PCCA: variants seen among roughly 807,000 people sequenced by gnomAD.
PCCA encodes propionyl-CoA carboxylase alpha chain, mitochondrial.
In PCCA, 74 loss-of-function variants were observed where a neutral mutation model predicts 101.3. The ratio of observed to expected loss-of-function variants is 0.73; its 90% confidence interval spans 0.61 to 0.89. PCCA has a LOEUF of 0.89. Ranked by LOEUF, PCCA falls within the 40% of genes least tolerant of loss-of-function variation. The pLI is 0.00. For synonymous variants in PCCA, 294 were observed against 313.6 expected (o/e 0.94, Z 0.66); for missense variants, 891 against 907.0 (o/e 0.98, Z 0.23).
chr13:100,240,818 A>G (rs541144233), intron 8 of PCCA, among the ~76,000 whole-genome samples: 2 of 152,220 alleles, frequency 1.3e-5, no homozygotes, highest in South Asian at 4.1e-4. Context: ...ATACTTCAAC[A>G]TGTGTTATTA....
At chr13:100,195,010 A>C (rs1252263641) in intron 6 of PCCA, among the ~76,000 whole-genome samples, 3 of 152,360 alleles carry the variant, frequency 2.0e-5, no homozygotes, top group Admixed American at 2.0e-4. Flanking sequence ...TTTGCAACCA[A>C]AAAGGTACCA....
chr13:100,510,701 A>G (rs1368688371), intron 21 of PCCA, among the ~76,000 whole-genome samples: 1 of 152,230 alleles, frequency 6.6e-6, no homozygotes, highest in Non-Finnish European at 1.5e-5. Context: ...GGGCGCTGAT[A>G]TAAATAGAGC....
chr13:100,220,314 C>T (rs888020711), intron 7 of PCCA, among the ~76,000 whole-genome samples: 2 of 152,022 alleles, frequency 1.3e-5, no homozygotes, highest in African/African-American at 4.8e-5. Context: ...GGCTGGAGTG[C>T]AGTGGCGCAA....
intron 21 of PCCA, among the ~76,000 whole-genome samples, chr13:100,506,271 C>T (rs996003165): frequency 2.0e-5 from 3 of 151,876 alleles, no homozygotes; most frequent in African/African-American, 7.3e-5. Context: ...CAGCAGTCCT[C>T]CTTGGCTCAG....
At chr13:100,469,886 G>A (rs2082861547) in intron 21 of PCCA, among the ~76,000 whole-genome samples, 1 of 152,192 alleles carries the variant, frequency 6.6e-6, no homozygotes, top group Non-Finnish European at 1.5e-5. Context: ...GTTTTTAGTG[G>A]TGTCTTTGTA....
rs539070391 is a variant in PCCA at position 100,286,434 on chromosome 13, G to A, written c.1065+13088G>A. Among the ~76,000 whole-genome samples, 7 of 152,296 alleles carry A rather than the reference G, an allele frequency of 4.6e-5. No homozygotes were observed. The South Asian group carries it at 1.2e-3, about 27-fold the overall frequency. ...TAATTTAAAGAGAATGACGGGGTGA[G>A]TGCTTTGGCGGGAGTCAGGGCAGAG... is the stretch of plus-strand genomic sequence containing the variant. On this transcript the variant is annotated intron_variant, in intron 12 of 23. Coordinates refer to ENST00000376285, the MANE Select transcript of PCCA (RefSeq NM_000282.4).
At chr13:100,207,990 C>G (rs1309828793) in intron 6 of PCCA, among the ~76,000 whole-genome samples, 1 of 151,938 alleles carries the variant, frequency 6.6e-6, no homozygotes, top group East Asian at 2.0e-4. Context: ...TGCACTCCAG[C>G]CTGGTGACAG....
At chr13:100,142,138 C>T (rs2051952870) in intron 4 of PCCA, among the ~76,000 whole-genome samples, 1 of 151,964 alleles carries the variant, frequency 6.6e-6, no homozygotes. Flanking sequence ...CTGCCACCTC[C>T]TATAAGGTAG....
chr13:100,450,925 G>T (rs965024222), intron 21 of PCCA, among the ~76,000 whole-genome samples: 2 of 152,186 alleles, frequency 1.3e-5, no homozygotes, highest in African/African-American at 4.8e-5. Flanking sequence ...CCAGAGAAAT[G>T]GAATCAACAA....
At chr13:100,127,033 A>G (rs763358734) in intron 4 of PCCA, among the ~76,000 whole-genome samples, 7 of 152,218 alleles carry the variant, frequency 4.6e-5, no homozygotes, top group Non-Finnish European at 8.8e-5. Flanking sequence ...TAAATTGTCA[A>G]AAACCAGTAA....
At chr13:100,195,237 G>A (rs140048625) in intron 6 of PCCA, among the ~76,000 whole-genome samples, 187 of 152,220 alleles carry the variant, frequency 1.2e-3, no homozygotes, top group African/African-American at 4.1e-3. Context: ...AAATTTAAAT[G>A]TGAAGCTTCT....
At chr13:100,099,548 A>T (rs7991032) in intron 1 of PCCA, among the ~76,000 whole-genome samples, 66,697 of 151,570 alleles carry the variant, frequency 0.44, 15,296 homozygotes, top group East Asian at 0.69. Context: ...CAATCTCCTG[A>T]CCTTGTGATC....
At chr13:100,177,941 G>A (rs922476615) in intron 6 of PCCA, among the ~76,000 whole-genome samples, 4 of 151,838 alleles carry the variant, frequency 2.6e-5, no homozygotes, top group African/African-American at 9.7e-5. Context: ...TGAAAGTGAA[G>A]TTTCTCTTTT....
In PCCA at chr13:100,257,808, GA is replaced by G. The variant is rs2062176570; in HGVS notation, c.716+140del. 3 of 684,412 alleles carry G rather than the reference GA, an allele frequency of 4.4e-6. No homozygotes were observed. In the African/African-American group the frequency reaches 5.3e-5, roughly 12 times the overall value. 42.4% of individuals were successfully genotyped at this position (684,412 alleles called of 1,614,324 possible). On this transcript the variant is annotated intron_variant, in intron 9 of 23. Transcript: ENST00000376285. ...ATCTAATTTTTACACTTTTGAATGG[GA>G]AAAAGATTGAAATTATGTGGAAACC...
Position 100,142,301 on chromosome 13 carries a change from TAA to T in PCCA, c.301-12675_301-12674del, listed in dbSNP as rs576293142. Reference sequence around the variant, plus strand: ...CTTGGAGAAAAGTTAGATTTTGAAATAAAAGACAGGTGGATTATAGCCCTTCA... The same window carrying T: ...CTTGGAGAAAAGTTAGATTTTGAAATAAGACAGGTGGATTATAGCCCTTCA... On this transcript the variant is annotated intron_variant, in intron 4 of 23. Coordinates refer to ENST00000376285, the MANE Select transcript of PCCA (RefSeq NM_000282.4). 7.3e-4 allele frequency among the ~76,000 whole-genome samples: 111 copies of T among 152,304 alleles called. No homozygotes were observed. In the Middle Eastern group the frequency reaches 0.014, roughly 19 times the overall value.
At chr13:100,465,916 A>G (rs2082482294) in intron 21 of PCCA, among the ~76,000 whole-genome samples, 2 of 152,238 alleles carry the variant, frequency 1.3e-5, no homozygotes, top group Admixed American at 6.5e-5. Context: ...TGTTTAGCGA[A>G]TAGCTGTTTG....
In PCCA at chr13:100,470,953, C is replaced by T. The variant is rs1221505602; in HGVS notation, c.1899+21648C>T. Among the ~76,000 whole-genome samples, 3 of 152,332 alleles carry T rather than the reference C, an allele frequency of 2.0e-5. No individual in the cohort carries two copies. The East Asian group carries it at 5.8e-4, about 29-fold the overall frequency. On this transcript the variant is annotated intron_variant, in intron 21 of 23. Coordinates refer to ENST00000376285, the MANE Select transcript of PCCA (RefSeq NM_000282.4). ...TCACTGGAGCAGCACTTTTAATTTT[C>T]TTCAAGACATTTTTCCTTTGCATTT... is the stretch of plus-strand genomic sequence containing the variant.
At chr13:100,367,391 A>G (rs2075258605) in intron 18 of PCCA, among the ~76,000 whole-genome samples, 1 of 152,090 alleles carries the variant, frequency 6.6e-6, no homozygotes, top group Admixed American at 6.5e-5. Context: ...AGTTTCCAAG[A>G]TGAGGACTGT....
chr13:100,200,827 TTAAA>T (rs1398069470), intron 6 of PCCA, among the ~76,000 whole-genome samples: 3 of 152,094 alleles, frequency 2.0e-5, no homozygotes, highest in South Asian at 2.1e-4. Context: ...AGAAGTATAA[TTAAA>T]TAAAGTCTAC....
Sources: allele counts gnomAD v4.1 joint callset (sites outside exome capture counted in the v4.1 genomes callset), GRCh38; gene constraint gnomAD v4.1.1; transcripts MANE v1.5; gene names NCBI Gene and HGNC (gene_info 2026-07-23, HGNC 2026-07-21).